PLXNA2: variants seen among roughly 807,000 people sequenced by gnomAD.
PLXNA2 encodes plexin A2.
Under a neutral mutation model 193.5 loss-of-function variants are expected in PLXNA2, and 91 were observed. The observed-to-expected ratio is 0.47, with a 90% CI of 0.40 to 0.56. PLXNA2 has a LOEUF of 0.56. Ranked by LOEUF, PLXNA2 falls within the 20% of genes least tolerant of loss-of-function variation. PLXNA2 has a pLI of 0.00. For missense variants in PLXNA2, 1,995 were observed against 2,503.2 expected (o/e 0.80, Z 4.33); for synonymous variants, 997 against 1,027.3 (o/e 0.97, Z 0.56).
intron 28 of PLXNA2, 109 bp downstream of exon 28, chr1:208,033,210 T>C: frequency 9.2e-7 from 1 of 1,083,402 alleles, no homozygotes; most frequent in Non-Finnish European, 1.4e-6. Flanking sequence ...CTGGACTGTC[T>C]GAATGGGTCC....
intron 1 of PLXNA2, among the ~76,000 whole-genome samples, chr1:208,219,910 G>A (rs1181569941): frequency 6.6e-6 from 1 of 152,338 alleles, no homozygotes; most frequent in East Asian, 1.9e-4. Flanking sequence ...TTTCAGTTTG[G>A]AAACCAGAGG....
rs1571891997 is a variant in PLXNA2 at position 208,079,196 on chromosome 1, C to T, written c.2586+64G>A. 5.7e-6 allele frequency: 8 copies of T among 1,399,108 alleles called. No homozygotes were observed. In the East Asian group the frequency reaches 1.9e-4, roughly 33 times the overall value. The allele number at this position is 1,399,108 out of a possible 1,614,324, so 86.7% of individuals were successfully genotyped here. ...CCACAGAGTCTCAATTTGCACTCCTCTCCCACTGTCTTGGGGTCAGCTCTT... is the reference window on the plus strand; with the variant it reads ...CCACAGAGTCTCAATTTGCACTCCTTTCCCACTGTCTTGGGGTCAGCTCTT... On this transcript the variant is annotated intron_variant, in intron 12 of 31. Coordinates refer to ENST00000367033, the MANE Select transcript of PLXNA2 (RefSeq NM_025179.4).
chr1:208,093,038 A>G, intron 8 of PLXNA2, 138 bp from the exon 9 acceptor site: 1 of 568,796 alleles, frequency 1.8e-6, no homozygotes, highest in Non-Finnish European at 3.2e-6. Flanking sequence ...GCCATCCTCT[A>G]GCACCAAGAA....
At position 208,045,078 on chromosome 1, in the gene PLXNA2, G is replaced by C; in HGVS notation, c.3628C>G (p.His1210Asp). Residue 1210 changes from histidine (H) to aspartate (D), a missense_variant, in exon 19 of 32, where the codon CAC becomes GAC. Physicochemically the swap from His to Asp is moderately conservative, Grantham distance 81 (BLOSUM62 -1). Coordinates refer to ENST00000367033, the MANE Select transcript of PLXNA2 (RefSeq NM_025179.4). Reference protein sequence around the residue: ...LCEPPNLTGQHKVMVHVGGMV... With the variant: ...LCEPPNLTGQDKVMVHVGGMV... Reference sequence around the variant, plus strand: ...CAGGGCTCACTCACCATGACCTTGTGCTGCCCGGTGAGGTTGGGAGGCTCG... The same window carrying C: ...CAGGGCTCACTCACCATGACCTTGTCCTGCCCGGTGAGGTTGGGAGGCTCG... 6.2e-7 allele frequency: 1 copy of C among 1,614,168 alleles called. No homozygotes were observed. The highest frequency in any genetic ancestry group is 8.5e-7 in the Non-Finnish European group (1 of 1,180,028).
At chr1:208,163,014 T>C (rs1175181573) in intron 3 of PLXNA2, among the ~76,000 whole-genome samples, 2 of 152,150 alleles carry the variant, frequency 1.3e-5, no homozygotes, top group Non-Finnish European at 2.9e-5. Context: ...AACTTAAACC[T>C]GAAAGGACAG....
chr1:208,173,102 G>A (rs150630571), intron 3 of PLXNA2, among the ~76,000 whole-genome samples: 11 of 152,306 alleles, frequency 7.2e-5, no homozygotes, highest in African/African-American at 2.4e-4. Context: ...CAAGAGCAGG[G>A]CTCTCAGCCT....
rs568417866 is a variant in PLXNA2 at position 208,030,246 on chromosome 1, C to T, written c.5226-1204G>A. ...TTGGGTAGTTTCTGGTAATCTTTCC[C>T]TGGACATTTGCTATTGAGGTCTGGT... On this transcript the variant is annotated intron_variant, in intron 29 of 31. Transcript: ENST00000367033. 6.1e-6 allele frequency: 6 copies of T among 985,526 alleles called. No individual in the cohort carries two copies. In the South Asian group the frequency reaches 2.3e-4, roughly 39 times the overall value. 61.0% of individuals were successfully genotyped at this position (985,526 alleles called of 1,614,324 possible). A position where few individuals can be genotyped will look rare whatever the true frequency, so the allele number is the denominator to read the frequency against.
At chr1:208,088,477 A>T (rs1199994374) in intron 9 of PLXNA2, among the ~76,000 whole-genome samples, 1 of 152,272 alleles carries the variant, frequency 6.6e-6, no homozygotes, top group Admixed American at 6.5e-5. Context: ...ATATTTATGT[A>T]TCTACATCTC....
intron 10 of PLXNA2, among the ~76,000 whole-genome samples, chr1:208,083,012 C>G (rs1035678312): frequency 6.6e-6 from 1 of 152,126 alleles, no homozygotes; most frequent in African/African-American, 2.4e-5. Context: ...CACGTGTCTC[C>G]CTAAAAAGTC....
intron 3 of PLXNA2, among the ~76,000 whole-genome samples, chr1:208,197,533 G>A (rs559151694): frequency 6.6e-6 from 1 of 152,352 alleles, no homozygotes; most frequent in South Asian, 2.1e-4. Context: ...GGCCCAGGGA[G>A]CTCTCTGGAT....
chr1:208,238,460 A>G (rs760860871), intron 1 of PLXNA2, among the ~76,000 whole-genome samples: 3 of 152,186 alleles, frequency 2.0e-5, no homozygotes, highest in African/African-American at 4.8e-5. Flanking sequence ...AAGATGAACT[A>G]TCAAGGGATG....
intron 9 of PLXNA2, among the ~76,000 whole-genome samples, chr1:208,091,249 A>G (rs1049120383): frequency 3.3e-5 from 5 of 152,234 alleles, no homozygotes; most frequent in African/African-American, 1.2e-4. Context: ...CTGACTGAAC[A>G]TAACACCTGT....
chr1:208,230,020 G>A (rs1241984604), intron 1 of PLXNA2, among the ~76,000 whole-genome samples: 2 of 152,124 alleles, frequency 1.3e-5, no homozygotes, highest in South Asian at 2.1e-4. Flanking sequence ...TTGGAGCCTC[G>A]CTTTCCTCAG....
intron 4 of PLXNA2, among the ~76,000 whole-genome samples, chr1:208,111,144 G>A (rs929852604): frequency 2.6e-4 from 40 of 152,116 alleles, no homozygotes; most frequent in Non-Finnish European, 5.9e-5. Flanking sequence ...TCTACCTCCC[G>A]GGCTCAACGG....
intron 10 of PLXNA2, among the ~76,000 whole-genome samples, chr1:208,083,131 C>T (rs778934023): frequency 9.2e-5 from 14 of 152,270 alleles, no homozygotes; most frequent in Admixed American, 2.6e-4. Flanking sequence ...TATTTCCGCA[C>T]GAGCCTTACT....
Position 208,092,786 on chromosome 1 carries a change from C to A in PLXNA2, c.2097G>T (p.Glu699Asp). ...CCATGTTAGGGTAAGCCCTTCTTAC[C>A]TCTGAAATATTGATCCGGCCCTCCT... Reference protein sequence around the residue: ...SFQEGRINISEDCPQLVPTEE... With the variant: ...SFQEGRINISDDCPQLVPTEE... Residue 699 changes from glutamate to aspartate, a missense_variant and splice_region_variant, in exon 9 of 32, where the codon GAG (glutamate) becomes GAT (aspartate). Transcript: ENST00000367033. 6.2e-7 allele frequency: 1 copy of A among 1,609,658 alleles called. No individual in the cohort carries two copies. The highest frequency in any genetic ancestry group is 2.2e-5 in the East Asian group (1 of 44,852).
intron 3 of PLXNA2, among the ~76,000 whole-genome samples, chr1:208,155,935 C>A (rs183070065): frequency 6.6e-6 from 1 of 152,280 alleles, no homozygotes; most frequent in East Asian, 1.9e-4. Context: ...GGAGTTAATG[C>A]CCTTCATTCT....
In PLXNA2 at chr1:208,038,419, G is replaced by A; in HGVS notation, c.4716C>T (p.Thr1572=). Residue 1572 remains threonine (T), a synonymous_variant, in exon 26 of 32, where the codon ACC becomes ACT. Coordinates refer to ENST00000367033, the MANE Select transcript of PLXNA2 (RefSeq NM_025179.4). The surrounding 1 kb of genome is among the most constrained non-coding windows in gnomAD (Gnocchi z 4.1). ...RVVLQDEDIT[T]KIEGDWKRLN... is the part of the protein sequence containing the mutation. ...GCCGCTTCCAGTCACCCTCAATCTT[G>A]GTGGTGATGTCCTCATCTTGCAGCA... The A allele has an allele frequency of 6.2e-7, 1 of 1,614,108 alleles. No homozygotes were observed. The highest frequency in any genetic ancestry group is 1.1e-5 in the South Asian group (1 of 91,072).
intron 4 of PLXNA2, among the ~76,000 whole-genome samples, chr1:208,128,270 C>A (rs955652586): frequency 2.6e-5 from 4 of 152,138 alleles, no homozygotes; most frequent in Non-Finnish European, 5.9e-5. Flanking sequence ...ATAGATGCAA[C>A]TGGCAGATGA....
Sources: gnomAD v4.1 joint callset for allele counts (sites outside exome capture counted in the v4.1 genomes callset) on GRCh38, gnomAD v4.1.1 for gene constraint, Gnocchi (gnomAD v3.1) non-coding constraint, MANE v1.5 for transcripts, NCBI Gene and HGNC (gene_info 2026-07-23, HGNC 2026-07-21) for gene names.